CRELD1: variants seen among roughly 807,000 people sequenced by gnomAD.
The protein encoded by CRELD1 is protein disulfide isomerase CRELD1.
A neutral mutation model predicts 58.2 loss-of-function variants in CRELD1; 42 were observed. That is an observed-to-expected ratio of 0.72 (90% confidence interval 0.56 to 0.93). CRELD1 has a LOEUF of 0.93. Ranked by LOEUF, CRELD1 falls within the 40% of genes least tolerant of loss-of-function variation. The probability of loss-of-function intolerance (pLI) is 0.00; values close to 1 mark genes in which losing one functional copy is unlikely to be tolerated. For missense variants in CRELD1, 500 were observed against 540.6 expected (o/e 0.92, Z 0.74); for synonymous variants, 222 against 202.0 (o/e 1.10, Z -0.84).
At chr3:9,941,789 C>CAAAAAA (rs34088708) in intron 7 of CRELD1, among the ~76,000 whole-genome samples, 1 of 20,628 alleles carries the variant, frequency 4.8e-5, no homozygotes, top group East Asian at 1.4e-3. Flanking sequence ...GACTCCATCT[C>CAAAAAA]AAAAAAAAAA....
At chr3:9,935,186 G>A (rs2085148128) in intron 3 of CRELD1, 1 of 405,856 alleles carries the variant, frequency 2.5e-6, no homozygotes, top group African/African-American at 2.0e-5. Flanking sequence ...AGGACGGTGG[G>A]AGGCAAGGTG....
chr3:9,943,347 C>T, intron 9 of CRELD1, 34 bp from the exon 10 acceptor site: 2 of 1,613,424 alleles, frequency 1.2e-6, no homozygotes, highest in South Asian at 1.1e-5. Flanking sequence ...GGTGGGGGGC[C>T]CTAGCAGGAC....
At chr3:9,944,318 A>G (rs370488917) in intron 10 of CRELD1, 47 bp from the exon 11 acceptor site, 43 of 1,532,614 alleles carry the variant, frequency 2.8e-5, no homozygotes, top group Admixed American at 2.2e-4. Context: ...AAGAACTACC[A>G]GGAACAGGGA....
Position 9,940,915 on chromosome 3 carries a change from G to C in CRELD1, c.526G>C (p.Gly176Arg). The change falls in exon 6 of 11, where the codon GGG becomes CGG. Residue 176 changes from glycine (G) to arginine (R), a missense_variant. Coordinates refer to ENST00000452070, the MANE Select transcript of CRELD1 (RefSeq NM_001077415.3). ...GCAGTGTGAAGGAGAAGGGACACGA[G>C]GGGGCAGCGGGCACTGTGACTGCCA... is the stretch of plus-strand genomic sequence containing the variant. ...YGQCEGEGTRGGSGHCDCQAG... is the reference protein window; with the variant it reads ...YGQCEGEGTRRGSGHCDCQAG... 6.2e-7 allele frequency: 1 copy of C among 1,614,114 alleles called. No homozygotes were observed. Among genetic ancestry groups the C allele is most frequent in the Non-Finnish European group, 8.5e-7 (1 of 1,179,988 alleles).
Position 9,941,219 on chromosome 3 carries a change from C to G in CRELD1, c.733+13C>G, listed in dbSNP as rs776066255. On this transcript the variant is annotated intron_variant, in intron 7 of 10. Coordinates refer to ENST00000452070, the MANE Select transcript of CRELD1 (RefSeq NM_001077415.3). ...CTCAAGTGTGTAGGTAAGTGGGGCC[C>G]TAGCTAGGTCTGGGAAGATGGTCAG... is the stretch of plus-strand genomic sequence containing the variant. 3.7e-6 allele frequency: 6 copies of G among 1,608,742 alleles called. No individual in the cohort carries two copies.
At chr3:9,934,952 C>T in intron 3 of CRELD1, 35 bp downstream of exon 3, 2 of 1,546,278 alleles carry the variant, frequency 1.3e-6, no homozygotes, top group Non-Finnish European at 1.8e-6. Flanking sequence ...TGTATATTCC[C>T]CTCCCCGCCA....
intron 1 of CRELD1, 195 bp downstream of exon 1, chr3:9,934,115 C>T (rs2085088700): frequency 2.3e-6 from 1 of 427,082 alleles, no homozygotes; most frequent in Non-Finnish European, 4.3e-6. Context: ...CCTAATTCTG[C>T]GGATCCGGCC....
Position 9,943,173 on chromosome 3 carries a change from G to A in CRELD1, c.913+1G>A, listed in dbSNP as rs766742034. The A allele has an allele frequency of 4.3e-5, 70 of 1,612,188 alleles. 1 individual carries two copies. Among genetic ancestry groups the A allele is most frequent in the Admixed American group, 6.7e-5 (4 of 60,006 alleles). On this transcript the variant is annotated splice_donor_variant, in intron 9 of 10. Transcript: ENST00000452070. LOFTEE classifies it high-confidence loss of function. Reference sequence around the variant, plus strand: ...CAGCAGGTGGGCTCCAAGTGTCTCGGTGAGTCTCCTGCTGATGGGACACAG... The same window carrying A: ...CAGCAGGTGGGCTCCAAGTGTCTCGATGAGTCTCCTGCTGATGGGACACAG...
At position 9,944,698 on chromosome 3, in the gene CRELD1, A is replaced by G. The variant is rs1437762037; in HGVS notation, c.*119A>G. 7 of 993,622 alleles carry G rather than the reference A, an allele frequency of 7.0e-6. No individual in the cohort carries two copies. Among genetic ancestry groups the G allele is most frequent in the African/African-American group, 1.6e-5 (1 of 62,754 alleles). The allele number at this position is 993,622 out of a possible 1,614,324, so 61.6% of individuals were successfully genotyped here. A position where few individuals can be genotyped will look rare whatever the true frequency, so the allele number is the denominator to read the frequency against. On this transcript the variant is annotated 3_prime_UTR_variant, in exon 11 of 11. Transcript: ENST00000452070. ...TTTTGAGAGTGGGGTAAGCACCCCT[A>G]CCTGCCTTACAGAGCAGCCCAGGTA...
chr3:9,936,680 C>G (rs1165535138), intron 3 of CRELD1, among the ~76,000 whole-genome samples: 10 of 151,776 alleles, frequency 6.6e-5, no homozygotes, highest in Non-Finnish European at 1.3e-4. Context: ...ATTTTCATTA[C>G]CCCCCCAAAA....
chr3:9,939,848 T>C lies in CRELD1; in HGVS notation c.461-1002T>C, dbSNP rs541119252. Among the ~76,000 whole-genome samples the C allele has an allele frequency of 8.7e-3, 1,325 of 152,230 alleles. 13 individuals are homozygous for C. Among genetic ancestry groups the C allele is most frequent in the Admixed American group, 0.028 (431 of 15,298 alleles). On this transcript the variant is annotated intron_variant, in intron 5 of 10. Coordinates refer to ENST00000452070, the MANE Select transcript of CRELD1 (RefSeq NM_001077415.3). Reference sequence around the variant, plus strand: ...GGCCCGTTCTCAATGAGCTGTTGGGTACACCTCCCAGACGGGGTGGTGGCC... The same window carrying C: ...GGCCCGTTCTCAATGAGCTGTTGGGCACACCTCCCAGACGGGGTGGTGGCC...
rs762711671 is a variant in CRELD1 at position 9,934,572 on chromosome 3, C to A, written c.134C>A (p.Pro45Gln). ...TCTTCTCCCCCGCCTCAGCCCCATC[C>A]GTGTCATACCTGCCGGGGACTGGTT... ...PQSSPPPQPH[P>Q]CHTCRGLVDS... The change falls in exon 2 of 11, where the codon CCG becomes CAG. Residue 45 changes from proline to glutamine, a missense_variant. Coordinates refer to ENST00000452070, the MANE Select transcript of CRELD1 (RefSeq NM_001077415.3). The A allele has an allele frequency of 6.2e-7, 1 of 1,614,064 alleles. No homozygotes were observed. Among genetic ancestry groups the A allele is most frequent in the Non-Finnish European group, 8.5e-7 (1 of 1,179,968 alleles).
At chr3:9,935,050 G>C in intron 3 of CRELD1, 133 bp downstream of exon 3, 1 of 755,234 alleles carries the variant, frequency 1.3e-6, no homozygotes, top group Non-Finnish European at 2.2e-6. Flanking sequence ...TAGTATAGCA[G>C]TAAACAAGGC....
At chr3:9,940,760 C>T (rs1299949151) in intron 5 of CRELD1, 90 bp from the exon 6 acceptor site, 5 of 842,644 alleles carry the variant, frequency 5.9e-6, no homozygotes, top group African/African-American at 6.3e-5. Flanking sequence ...GGAGGGAAGG[C>T]AAGGGAGAGG....
At chr3:9,938,808 C>T (rs11709689) in intron 5 of CRELD1, among the ~76,000 whole-genome samples, 5,723 of 151,540 alleles carry the variant, frequency 0.038, 172 homozygotes, top group Middle Eastern at 0.12. Context: ...TGCAGTGAGC[C>T]GAGATCATGC....
At chr3:9,943,296 G>A in intron 9 of CRELD1, 85 bp from the exon 10 acceptor site, 2 of 1,603,836 alleles carry the variant, frequency 1.2e-6, no homozygotes, top group East Asian at 2.2e-5. Context: ...CAAGGGCAGA[G>A]GGGAGTGTTG....
rs780518141 is a variant in CRELD1, at chr3:9,945,168, AAGG to A, written c.*594_*596del. ...GTTGCCCCTGAAGTGCTGTTAGGAG[AAGG>A]AGGATAGAGGAATCAGCCTTAGGAG... On this transcript the variant is annotated 3_prime_UTR_variant, in exon 11 of 11. Transcript: ENST00000452070. 8.5e-4 allele frequency: 148 copies of A among 174,694 alleles called. 2 individuals are homozygous for A. The Middle Eastern group carries it at 8.7e-3, about 10-fold the overall frequency. 10.8% of individuals were successfully genotyped at this position (174,694 alleles called of 1,614,324 possible).
In CRELD1 at chr3:9,944,830, T is replaced by C. The variant is rs1162096916; in HGVS notation, c.*251T>C. On this transcript the variant is annotated 3_prime_UTR_variant, in exon 11 of 11. Transcript: ENST00000452070. The stretch of plus-strand genomic sequence containing the variant: ...TGGCAGGCTTCACAATGTGTGAATT[T>C]CAAAAGTTTTTCCTTAATGGTGGCT... 5 of 545,664 alleles carry C rather than the reference T, an allele frequency of 9.2e-6. No homozygotes were observed. In the East Asian group the frequency reaches 1.6e-4, roughly 18 times the overall value. The allele number at this position is 545,664 out of a possible 1,614,324, so 33.8% of individuals were successfully genotyped here.
Position 9,933,896 on chromosome 3 carries a change from TCTTC to T in CRELD1, c.-39_-36del. The stretch of plus-strand genomic sequence containing the variant: ...GCGCCCGCGGGCTGGGGCGGTCGCT[TCTTC>T]CTTCTCCGTGGCCTACGAGGGTCTG... On this transcript the variant is annotated 5_prime_UTR_variant, in exon 1 of 11. Transcript: ENST00000452070. 1 of 446,616 alleles carries T rather than the reference TCTTC, an allele frequency of 2.2e-6. No individual in the cohort carries two copies. 27.7% of individuals were successfully genotyped at this position (446,616 alleles called of 1,614,324 possible).
Sources: allele counts gnomAD v4.1 joint callset (sites outside exome capture counted in the v4.1 genomes callset), GRCh38; gene constraint gnomAD v4.1.1; transcripts MANE v1.5; gene names NCBI Gene and HGNC (gene_info 2026-07-23, HGNC 2026-07-21).